HECW1: variants seen among roughly 807,000 people sequenced by gnomAD.
HECW1 encodes the protein HECT, C2 and WW domain containing E3 ubiquitin protein ligase 1, also known as E3 ubiquitin-protein ligase HECW1.
Under a neutral mutation model 182.3 loss-of-function variants are expected in HECW1, and 61 were observed. The ratio of observed to expected loss-of-function variants is 0.33; its 90% CI spans 0.27 to 0.41. The LOEUF (loss-of-function observed/expected upper bound fraction) is 0.41. Among genes scored for constraint, HECW1 ranks in the 10% least tolerant of loss-of-function variants. HECW1 has a pLI of 1.00. For missense variants in HECW1, 1,739 were observed against 2,108.9 expected, an observed-to-expected ratio of 0.82 and a Z score of 3.44; for synonymous variants, 859 against 832.6, an observed-to-expected ratio of 1.03 and a Z score of -0.55.
chr7:43,190,879 G>A (rs1262800521), intron 2 of HECW1, among the ~76,000 whole-genome samples: 1 of 152,152 alleles, frequency 6.6e-6, no homozygotes, highest in Non-Finnish European at 1.5e-5. Context: ...ATAGGTCACT[G>A]CATGACTTCA....
intron 5 of HECW1, among the ~76,000 whole-genome samples, chr7:43,327,983 TA>T (rs1051041782): frequency 1.1e-4 from 17 of 149,112 alleles, no homozygotes; most frequent in African/African-American, 3.9e-4. Context: ...TTATTATTAT[TA>T]TTATTATCAT....
intron 2 of HECW1, among the ~76,000 whole-genome samples, chr7:43,208,820 G>C (rs1174183293): frequency 6.6e-6 from 1 of 152,140 alleles, no homozygotes; most frequent in Non-Finnish European, 1.5e-5. Context: ...AAGGTGTCTG[G>C]CTTCCAGCAT....
At chr7:43,531,943 A>G (rs533610784) in intron 24 of HECW1, among the ~76,000 whole-genome samples, 25 of 152,300 alleles carry the variant, frequency 1.6e-4, no homozygotes, top group South Asian at 1.0e-3. Context: ...TTCAAATGCC[A>G]TCTGCATCCT....
At position 43,338,937 on chromosome 7, in the gene HECW1, G is replaced by T. The variant is rs186337799; in HGVS notation, c.460+18195G>T. ...TCACTATTTCACCTATAGTTTTGAA[G>T]AGTAATTTCACAATATATATAGCGG... On this transcript the variant is annotated intron_variant, in intron 5 of 29. Transcript: ENST00000395891. Among the ~76,000 whole-genome samples the T allele has an allele frequency of 3.5e-4, 54 of 152,250 alleles. No homozygotes were observed. In the East Asian group the frequency reaches 0.01, roughly 29 times the overall value.
chr7:43,289,246 A>G (rs557162464), intron 3 of HECW1, among the ~76,000 whole-genome samples: 1 of 152,194 alleles, frequency 6.6e-6, no homozygotes, highest in South Asian at 2.1e-4. Flanking sequence ...AGATGGGATT[A>G]CAGGCATGTG....
chr7:43,260,807 T>C (rs1801094623), intron 3 of HECW1, among the ~76,000 whole-genome samples: 1 of 152,162 alleles, frequency 6.6e-6, no homozygotes, highest in African/African-American at 2.4e-5. Flanking sequence ...TTTCATCTAG[T>C]TGGGTGGATG....
At chr7:43,304,480 T>C (rs1478809803) in intron 3 of HECW1, among the ~76,000 whole-genome samples, 1 of 150,800 alleles carries the variant, frequency 6.6e-6, no homozygotes, top group African/African-American at 2.4e-5. Flanking sequence ...ATTTATTTAT[T>C]TATTTATTTA....
At chr7:43,531,464 T>A (rs1411515473) in intron 24 of HECW1, among the ~76,000 whole-genome samples, 1 of 152,234 alleles carries the variant, frequency 6.6e-6, no homozygotes, top group African/African-American at 2.4e-5. Context: ...ATAAGTTTGT[T>A]GAAATTGGAA....
At chr7:43,455,070 G>C (rs1344682111) in intron 12 of HECW1, among the ~76,000 whole-genome samples, 1 of 151,952 alleles carries the variant, frequency 6.6e-6, no homozygotes, top group Non-Finnish European at 1.5e-5. Context: ...CCTCACCCCA[G>C]CTCAGCCCCT....
At chr7:43,490,915 G>C (rs2078905742) in intron 17 of HECW1, among the ~76,000 whole-genome samples, 1 of 152,056 alleles carries the variant, frequency 6.6e-6, no homozygotes, top group South Asian at 2.1e-4. Context: ...GCGCCACCAT[G>C]CCTGGCTTAT....
chr7:43,274,337 G>A, intron 3 of HECW1: 1 of 795,014 alleles, frequency 1.3e-6, no homozygotes, highest in East Asian at 2.8e-5. Flanking sequence ...ACTTCAGGCT[G>A]GATTGTCTAC....
At chr7:43,348,103 T>C (rs201217958) in intron 5 of HECW1, among the ~76,000 whole-genome samples, 4 of 152,190 alleles carry the variant, frequency 2.6e-5, no homozygotes, top group African/African-American at 9.6e-5. Flanking sequence ...AATTCATCTT[T>C]CAATGTCTGG....
chr7:43,174,464 A>C (rs865988696), intron 2 of HECW1, among the ~76,000 whole-genome samples: 4 of 152,186 alleles, frequency 2.6e-5, no homozygotes, highest in Non-Finnish European at 5.9e-5. Context: ...TGTCATTCAG[A>C]GATAACCCTA....
rs148624381 is a variant in HECW1 at position 43,404,016 on chromosome 7, A to G, written c.632-3546A>G. On this transcript the variant is annotated intron_variant, in intron 7 of 29. Coordinates refer to ENST00000395891, the MANE Select transcript of HECW1 (RefSeq NM_015052.5). ...TACTTTTGGAAAATTCTAGAACTCT[A>G]TGTGCTCTTATGGACATTTCTCCCA... Among the ~76,000 whole-genome samples the G allele has an allele frequency of 1.4e-3, 216 of 152,318 alleles. 1 individual carries two copies. The East Asian group carries it at 0.016, about 11-fold the overall frequency.
At chr7:43,394,142 T>C (rs2075144726) in intron 6 of HECW1, among the ~76,000 whole-genome samples, 1 of 152,158 alleles carries the variant, frequency 6.6e-6, no homozygotes, top group Admixed American at 6.5e-5. Context: ...CACAGCCATG[T>C]CCAGGCACAG....
At chr7:43,267,723 T>A (rs1315453971) in intron 3 of HECW1, among the ~76,000 whole-genome samples, 1 of 152,064 alleles carries the variant, frequency 6.6e-6, no homozygotes, top group African/African-American at 2.4e-5. Flanking sequence ...ATATTCATGA[T>A]TAGAATCAGA....
intron 17 of HECW1, among the ~76,000 whole-genome samples, chr7:43,486,217 A>G (rs1585052841): frequency 6.6e-6 from 1 of 152,028 alleles, no homozygotes; most frequent in Non-Finnish European, 1.5e-5. Context: ...TTATGGCTGC[A>G]TAGTATTCCA....
At chr7:43,191,069 C>G (rs936233264) in intron 2 of HECW1, among the ~76,000 whole-genome samples, 1 of 152,082 alleles carries the variant, frequency 6.6e-6, no homozygotes, top group Admixed American at 6.6e-5. Context: ...TGCTTGAATC[C>G]CACAGTTTAC....
chr7:43,424,437 T>A (rs769325555), intron 8 of HECW1, among the ~76,000 whole-genome samples: 1 of 152,026 alleles, frequency 6.6e-6, no homozygotes, highest in Non-Finnish European at 1.5e-5. Flanking sequence ...CTAGGCAACA[T>A]AGCAGAACCC....
Sources: gnomAD v4.1 joint callset for allele counts (sites outside exome capture counted in the v4.1 genomes callset) on GRCh38, gnomAD v4.1.1 for gene constraint, MANE v1.5 for transcripts, NCBI Gene and HGNC (gene_info 2026-07-23, HGNC 2026-07-21) for gene names.